KIF13A: variants seen among roughly 807,000 people sequenced by gnomAD.
KIF13A encodes the protein kinesin-like protein KIF13A.
KIF13A carries 79 observed loss-of-function variants against 212.2 expected under a neutral mutation model. The ratio of observed to expected loss-of-function variants is 0.37; its 90% confidence interval spans 0.31 to 0.45. The LOEUF (loss-of-function observed/expected upper bound fraction) is 0.45, where lower values mean the gene tolerates loss of function less well. KIF13A is among the 20% of genes least tolerant of loss of function. KIF13A has a pLI of 1.00. For synonymous variants in KIF13A, 789 were observed against 808.6 expected (o/e 0.98, Z 0.41); for missense variants, 1,901 against 2,209.0 (o/e 0.86, Z 2.79).
intron 2 of KIF13A, chr6:17,950,786 A>G (rs376606911): frequency 1.2e-5 from 12 of 978,720 alleles, no homozygotes; most frequent in Middle Eastern, 1.0e-3. Context: ...AAAATCTCTA[A>G]TTACTAAAGG....
intron 2 of KIF13A, among the ~76,000 whole-genome samples, chr6:17,904,665 T>C (rs565899125): frequency 6.6e-6 from 1 of 152,316 alleles, no homozygotes; most frequent in African/African-American, 2.4e-5. Flanking sequence ...CTGAAGTTCC[T>C]TCCCCACACT....
chr6:17,854,427 T>C (rs1767951744), intron 6 of KIF13A, among the ~76,000 whole-genome samples: 1 of 152,090 alleles, frequency 6.6e-6, no homozygotes, highest in Admixed American at 6.6e-5. Context: ...CATGAGCCAC[T>C]ACACCTGGCC....
At chr6:17,925,618 G>A (rs1775429972) in intron 2 of KIF13A, among the ~76,000 whole-genome samples, 1 of 152,198 alleles carries the variant, frequency 6.6e-6, no homozygotes, top group African/African-American at 2.4e-5. Context: ...ACTTTACTGG[G>A]AGAGAACACA....
At chr6:17,894,140 A>AT (rs1226543364) in intron 3 of KIF13A, among the ~76,000 whole-genome samples, 9,778 of 112,348 alleles carry the variant, frequency 0.087, 842 homozygotes, top group African/African-American at 0.24. Flanking sequence ...GTCTCACCCC[A>AT]TTTTTTTTTT....
In KIF13A at chr6:17,947,615, G is replaced by A. The variant is rs1368676745; in HGVS notation, c.146+39439C>T. Among the ~76,000 whole-genome samples the A allele has an allele frequency of 6.6e-6, 1 of 152,104 alleles. No individual in the cohort carries two copies. The highest frequency in any genetic ancestry group is 1.5e-5 in the Non-Finnish European group (1 of 68,016). ...AGGCCGAGGTGGGTGGATCACCTGA[G>A]GTCAGGAGTTTGAGACCAGCCGACC... On this transcript the variant is annotated intron_variant, in intron 2 of 38. Transcript: ENST00000259711. The surrounding 1 kb of genome is among the most constrained non-coding windows in gnomAD (Gnocchi z 4.6).
intron 3 of KIF13A, among the ~76,000 whole-genome samples, chr6:17,874,063 C>T (rs1224748328): frequency 1.3e-5 from 2 of 152,154 alleles, no homozygotes; most frequent in African/African-American, 4.8e-5. Flanking sequence ...TATCTTCTCT[C>T]GCAAGTCCAT....
intron 2 of KIF13A, among the ~76,000 whole-genome samples, chr6:17,905,900 C>T (rs1462739541): frequency 1.3e-5 from 2 of 152,148 alleles, no homozygotes; most frequent in African/African-American, 4.8e-5. Flanking sequence ...GTACCATTTT[C>T]AATCAGGATT....
In KIF13A at chr6:17,918,513, C is replaced by G. The variant is rs1774746469; in HGVS notation, c.147-20333G>C. Among the ~76,000 whole-genome samples the G allele has an allele frequency of 6.6e-6, 1 of 152,196 alleles. No individual in the cohort carries two copies. The highest frequency in any genetic ancestry group is 2.4e-5 in the African/African-American group (1 of 41,448). ...TTGCTGGTTTATTTACTGGATTACTCAGTAGCTCTTAAAGTGGCAGGTATC... is the reference window on the plus strand; with the variant it reads ...TTGCTGGTTTATTTACTGGATTACTGAGTAGCTCTTAAAGTGGCAGGTATC... On this transcript the variant is annotated intron_variant, in intron 2 of 38. Transcript: ENST00000259711. The surrounding 1 kb of genome is among the most constrained non-coding windows in gnomAD (Gnocchi z 4.8).
rs1768033687 is a variant in KIF13A at position 17,855,239 on chromosome 6, G to A, written c.494+198C>T. Among the ~76,000 whole-genome samples the A allele has an allele frequency of 6.6e-6, 1 of 152,084 alleles. No homozygotes were observed. Among genetic ancestry groups the A allele is most frequent in the South Asian group, 2.1e-4 (1 of 4,826 alleles). ...ACATCTTTTCAAAGGGCATACATAGGCAACTTTATACATTAATGTAGGATA... is the reference window on the plus strand; with the variant it reads ...ACATCTTTTCAAAGGGCATACATAGACAACTTTATACATTAATGTAGGATA... On this transcript the variant is annotated intron_variant, in intron 6 of 38. Coordinates refer to ENST00000259711, the MANE Select transcript of KIF13A (RefSeq NM_022113.6). This position sits in a 1 kb window ranked among gnomAD's most constrained non-coding sequence, Gnocchi z 4.1.
chr6:17,959,892 G>A (rs569834514), intron 2 of KIF13A, among the ~76,000 whole-genome samples: 9 of 152,152 alleles, frequency 5.9e-5, no homozygotes, highest in Admixed American at 3.9e-4. Flanking sequence ...GTGTGGTGGC[G>A]CATGCCTGTA....
At position 17,764,797 on chromosome 6, in the gene KIF13A, T is replaced by A; in HGVS notation, c.4731A>T (p.Ser1577=). 1 of 1,613,464 alleles carries A rather than the reference T, an allele frequency of 6.2e-7. No homozygotes were observed. The highest frequency in any genetic ancestry group is 8.5e-7 in the Non-Finnish European group (1 of 1,179,670). ...CTTCTTTCTCCAAGACCCGTGAGTT[T>A]GACAGATCTACTTTAGAGGAAAACC... ...REWFSSKVDL[S]NSRVLEKEVS... Residue 1577 remains serine, a synonymous_variant, in exon 39 of 39, where the codon TCA becomes TCT. Transcript: ENST00000259711. This position sits in a 1 kb window ranked among gnomAD's most constrained non-coding sequence, Gnocchi z 5.1.
Position 17,987,454 on chromosome 6 carries a change from T to A in KIF13A, c.10A>T (p.Thr4Ser). 1 of 1,325,394 alleles carries A rather than the reference T, an allele frequency of 7.5e-7. No homozygotes were observed. Among genetic ancestry groups the A allele is most frequent in the East Asian group, 5.1e-5 (1 of 19,650 alleles). 82.1% of individuals were successfully genotyped at this position (1,325,394 alleles called of 1,614,324 possible). The change falls in exon 1 of 39, where the codon ACC becomes TCC. Residue 4 changes from threonine to serine, a missense_variant. Thr to Ser is a moderately conservative substitution (Grantham distance 58). This residue lies in a region of KIF13A where 506 missense variants were observed against 637.4 expected (regional missense o/e 0.79). Transcript: ENST00000259711. This position sits in a 1 kb window ranked among gnomAD's most constrained non-coding sequence, Gnocchi z 7.7. ...ACCCGGACGGCAACTTTTACCTTGG[T>A]ATCCGACATGTTGGCTGCGCTCGCC... MSD[T>S]KVKVAVRVRP...
At position 17,947,268 on chromosome 6, in the gene KIF13A, G is replaced by C. The variant is rs1227359357; in HGVS notation, c.146+39786C>G. Among the ~76,000 whole-genome samples, 1 of 151,970 alleles carries C rather than the reference G, an allele frequency of 6.6e-6. No homozygotes were observed. Among genetic ancestry groups the C allele is most frequent in the African/African-American group, 2.4e-5 (1 of 41,408 alleles). On this transcript the variant is annotated intron_variant, in intron 2 of 38. Transcript: ENST00000259711. The surrounding 1 kb of genome is among the most constrained non-coding windows in gnomAD (Gnocchi z 4.6). ...AGTACAAGTTGGGTGGTGATACAAG[G>C]TACTTACATTTTTTTCTTAACTGTT...
chr6:17,948,973 G>A (rs746899011), intron 2 of KIF13A, among the ~76,000 whole-genome samples: 9 of 151,898 alleles, frequency 5.9e-5, no homozygotes, highest in South Asian at 2.1e-4. Flanking sequence ...AATACTTTTC[G>A]ACTAACAATA....
At chr6:17,894,645 T>C (rs1055334942) in intron 3 of KIF13A, among the ~76,000 whole-genome samples, 1 of 152,192 alleles carries the variant, frequency 6.6e-6, no homozygotes, top group African/African-American at 2.4e-5. Flanking sequence ...GTGGTACATT[T>C]GTTATAACTG....
intron 2 of KIF13A, among the ~76,000 whole-genome samples, chr6:17,935,410 G>A (rs1249974540): frequency 1.3e-5 from 2 of 152,114 alleles, no homozygotes; most frequent in Non-Finnish European, 2.9e-5. Context: ...GCCCCCACCT[G>A]TTGGAGTGGC....
rs1469271068 is a variant in KIF13A, at chr6:17,987,561, C to T, written c.-98G>A. ...CCGCTGCAGCCGCGCGCCCCTCGAG[C>T]GCGGCCGCCGCCGCTCCGCCGTGAG... is the stretch of plus-strand genomic sequence containing the variant. On this transcript the variant is annotated 5_prime_UTR_variant, in exon 1 of 39. Transcript: ENST00000259711. This position sits in a 1 kb window ranked among gnomAD's most constrained non-coding sequence, Gnocchi z 7.7. The T allele has an allele frequency of 1.7e-6, 1 of 585,150 alleles. No homozygotes were observed. Among genetic ancestry groups the T allele is most frequent in the Non-Finnish European group, 2.1e-6 (1 of 466,004 alleles). 36.2% of individuals were successfully genotyped at this position (585,150 alleles called of 1,614,324 possible).
intron 3 of KIF13A, 38 bp from the exon 4 acceptor site, chr6:17,873,475 TTA>T: frequency 2.9e-6 from 4 of 1,377,952 alleles, no homozygotes; most frequent in South Asian, 1.2e-5. Context: ...TAAAGATTAA[TTA>T]ACTTCTTATG....
intron 18 of KIF13A, among the ~76,000 whole-genome samples, chr6:17,807,142 A>C (rs1271778300): frequency 3.9e-5 from 6 of 152,152 alleles, no homozygotes; most frequent in African/African-American, 1.2e-4. Context: ...AACAATATGA[A>C]ATCAGTGCAC....
Sources: gnomAD v4.1 joint callset for allele counts (sites outside exome capture counted in the v4.1 genomes callset) on GRCh38, gnomAD v4.1.1 for gene constraint, gnomAD v4.1.1 regional missense constraint, Gnocchi (gnomAD v3.1) non-coding constraint, MANE v1.5 for transcripts, NCBI Gene and HGNC (gene_info 2026-07-23, HGNC 2026-07-21) for gene names.